The following SETD6 variants were observed in gnomAD, a reference collection of about 807,000 sequenced individuals.
The protein encoded by SETD6 is SET domain containing 6, protein lysine methyltransferase, also known as N-lysine methyltransferase SETD6.
Under a neutral mutation model 52.7 loss-of-function variants are expected in SETD6, and 67 were observed. The ratio of observed to expected loss-of-function variants is 1.27; its 90% CI spans 1.04 to 1.56. The LOEUF is 1.56. Ranked by LOEUF, SETD6 falls within the 40% of genes most tolerant of loss-of-function variation. The probability of loss-of-function intolerance (pLI) is 0.00; values close to 1 mark genes in which losing one functional copy is unlikely to be tolerated. For missense variants in SETD6, 712 were observed against 607.5 expected, an observed-to-expected ratio of 1.17 and a Z score of -1.81; for synonymous variants, 307 against 250.2, an observed-to-expected ratio of 1.23 and a Z score of -2.14.
At position 58,520,927 on chromosome 16, in the gene SETD6, A is replaced by G. The variant is rs1389288333; in HGVS notation, c.*1898A>G. 1 of 1,605,040 alleles carries G rather than the reference A, an allele frequency of 6.2e-7. No individual in the cohort carries two copies. Among genetic ancestry groups the G allele is most frequent in the Non-Finnish European group, 8.5e-7 (1 of 1,175,612 alleles). On this transcript the variant is annotated 3_prime_UTR_variant, in exon 8 of 8. Coordinates refer to ENST00000219315, the MANE Select transcript of SETD6 (RefSeq NM_001160305.4). ...GAACTCGGTGCAGTGAGACCTCTAGACTGACACGTACAACAGAGATGCAGT... is the reference window on the plus strand; with the variant it reads ...GAACTCGGTGCAGTGAGACCTCTAGGCTGACACGTACAACAGAGATGCAGT...
In SETD6 at chr16:58,516,085, C is replaced by G. The variant is rs1366976276; in HGVS notation, c.322C>G (p.Leu108Val). Residue 108 changes from leucine (L) to valine (V), a missense_variant, in exon 2 of 8, where the codon CTG becomes GTG. Leu to Val is a conservative substitution (Grantham distance 32, BLOSUM62 1). Coordinates refer to ENST00000219315, the MANE Select transcript of SETD6 (RefSeq NM_001160305.4). Reference sequence around the variant, plus strand: ...GCAGCACACCTGCTCCATCGGCGGCCTGCTGGAGCGAGGTGGGCACGGCGG... The same window carrying G: ...GCAGCACACCTGCTCCATCGGCGGCGTGCTGGAGCGAGGTGGGCACGGCGG... ...LSQHTCSIGG[L>V]LERERVALQS... 3.8e-6 allele frequency: 5 copies of G among 1,310,564 alleles called. No homozygotes were observed. Among genetic ancestry groups the G allele is most frequent in the Non-Finnish European group, 4.8e-6 (5 of 1,034,568 alleles). The allele number at this position is 1,310,564 out of a possible 1,614,324, so 81.2% of individuals were successfully genotyped here. A position where few individuals can be genotyped will look rare whatever the true frequency, so the allele number is the denominator to read the frequency against.
At position 58,515,803 on chromosome 16, in the gene SETD6, G is replaced by T; in HGVS notation, c.40G>T (p.Val14Leu). ...QAKRPRVAGP[V>L]DGGDLDPVAC... ...GCACTTATCTCAGGTGGCGGGGCCC[G>T]TGGACGGCGGCGACCTGGATCCTGT... Residue 14 changes from valine (V) to leucine (L), a missense_variant, in exon 2 of 8, where the codon GTG becomes TTG. Physicochemically the swap from Val to Leu is conservative, Grantham distance 32. Coordinates refer to ENST00000219315, the MANE Select transcript of SETD6 (RefSeq NM_001160305.4). 1 of 1,516,764 alleles carries T rather than the reference G, an allele frequency of 6.6e-7. No individual in the cohort carries two copies. The highest frequency in any genetic ancestry group is 2.6e-5 in the East Asian group (1 of 38,566). The allele number at this position is 1,516,764 out of a possible 1,614,324, so 94.0% of individuals were successfully genotyped here. A position where few individuals can be genotyped will look rare whatever the true frequency, so the allele number is the denominator to read the frequency against.
At chr16:58,517,293 C>T (rs923515221) in intron 5 of SETD6, 2 of 338,266 alleles carry the variant, frequency 5.9e-6, no homozygotes, top group South Asian at 5.2e-5. Context: ...GGGATGAGGA[C>T]ATTCACAGGC....
rs1483179226 is a variant in SETD6 at position 58,520,298 on chromosome 16, A to AC, written c.*1274dup. On this transcript the variant is annotated 3_prime_UTR_variant, in exon 8 of 8. Transcript: ENST00000219315. ...TGGTTTCCCTTTATATAAAGAGCTG[A>AC]CCCCCATCTCAGGCGGCTGAGGTGT... 10 of 152,102 alleles carry AC rather than the reference A, an allele frequency of 6.6e-5. No individual in the cohort carries two copies. The highest frequency in any genetic ancestry group is 1.5e-4 in the African/African-American group (6 of 41,352). 9.4% of individuals were successfully genotyped at this position (152,102 alleles called of 1,614,324 possible).
Position 58,523,457 on chromosome 16 carries a change from G to A in SETD6, c.*4428G>A. 1 of 1,613,976 alleles carries A rather than the reference G, an allele frequency of 6.2e-7. No individual in the cohort carries two copies. Among genetic ancestry groups the A allele is most frequent in the African/African-American group, 1.3e-5 (1 of 75,038 alleles). On this transcript the variant is annotated 3_prime_UTR_variant, in exon 8 of 8. Transcript: ENST00000219315. ...ACTGAAGTAGTGAGTGTGGCTATTT[G>A]GGTACCGGAGCTGATTTGCAATTGC...
At position 58,516,191 on chromosome 16, in the gene SETD6, G is replaced by A. The variant is rs758663790; in HGVS notation, c.335-11G>A. On this transcript the variant is annotated splice_polypyrimidine_tract_variant and intron_variant, in intron 2 of 7. Coordinates refer to ENST00000219315, the MANE Select transcript of SETD6 (RefSeq NM_001160305.4). ...GCCGCGCCGGGGCGCTCACACCTGT[G>A]TCTTCCTCAGAGCGAGTTGCGCTGC... 1.3e-6 allele frequency: 2 copies of A among 1,573,680 alleles called. No individual in the cohort carries two copies. The highest frequency in any genetic ancestry group is 2.3e-5 in the East Asian group (1 of 44,286).
In SETD6 at chr16:58,516,206, A is replaced by T. The variant is rs749275639; in HGVS notation, c.339A>T (p.Arg113=). ...TCACACCTGTGTCTTCCTCAGAGCG[A>T]GTTGCGCTGCAGAGCCAGTCGGGCT... ...CSIGGLLERE[R]VALQSQSGWV... is the part of the protein sequence containing the mutation. Residue 113 remains arginine, a synonymous_variant, in exon 3 of 8, where the codon CGA becomes CGT. Transcript: ENST00000219315. 1 of 1,587,842 alleles carries T rather than the reference A, an allele frequency of 6.3e-7. No homozygotes were observed. Among genetic ancestry groups the T allele is most frequent in the Admixed American group, 1.7e-5 (1 of 57,390 alleles).
rs1418751496 is a variant in SETD6 at position 58,521,735 on chromosome 16, T to G, written c.*2706T>G. 6.6e-6 allele frequency among the ~76,000 whole-genome samples: 1 copy of G among 151,750 alleles called. No homozygotes were observed. Among genetic ancestry groups the G allele is most frequent in the East Asian group, 1.9e-4 (1 of 5,134 alleles). On this transcript the variant is annotated 3_prime_UTR_variant, in exon 8 of 8. Transcript: ENST00000219315. ...GGGAGGCCGAGGCAGGTGGATCACCTGAGGTCAGGAGTTCGAGACCAGCCT... is the reference window on the plus strand; with the variant it reads ...GGGAGGCCGAGGCAGGTGGATCACCGGAGGTCAGGAGTTCGAGACCAGCCT...
rs755548741 is a variant in SETD6 at position 58,518,250 on chromosome 16, C to T, written c.973+19C>T. The stretch of plus-strand genomic sequence containing the variant: ...TTACAGGGTGAGTGTATCATTAACT[C>T]AATATTTGACACTGATGGTGTGTCT... On this transcript the variant is annotated intron_variant, in intron 6 of 7. Coordinates refer to ENST00000219315, the MANE Select transcript of SETD6 (RefSeq NM_001160305.4). 6.2e-7 allele frequency: 1 copy of T among 1,613,808 alleles called. No individual in the cohort carries two copies. Among genetic ancestry groups the T allele is most frequent in the Non-Finnish European group, 8.5e-7 (1 of 1,179,804 alleles).
Position 58,521,421 on chromosome 16 carries a change from T to G in SETD6, c.*2392T>G. 1.7e-6 allele frequency: 2 copies of G among 1,188,564 alleles called. No individual in the cohort carries two copies. The highest frequency in any genetic ancestry group is 3.0e-5 in the South Asian group (2 of 66,044). The allele number at this position is 1,188,564 out of a possible 1,614,324, so 73.6% of individuals were successfully genotyped here. A position where few individuals can be genotyped will look rare whatever the true frequency, so the allele number is the denominator to read the frequency against. ...ACTTCTCCCTGACTATTGAACCACA[T>G]GCAAAAGTTTTCACCTTTAGTAAAG... is the stretch of plus-strand genomic sequence containing the variant. On this transcript the variant is annotated 3_prime_UTR_variant, in exon 8 of 8. Transcript: ENST00000219315.
rs1402753819 is a variant in SETD6 at position 58,519,694 on chromosome 16, AT to A, written c.*669del. ...GGGGAAAAGGATATTAAAACTGGGT[AT>A]TTTAAACTCAGCTTAACCAGATAAA... On this transcript the variant is annotated 3_prime_UTR_variant, in exon 8 of 8. Coordinates refer to ENST00000219315, the MANE Select transcript of SETD6 (RefSeq NM_001160305.4). 1.3e-5 allele frequency: 2 copies of A among 152,138 alleles called. No homozygotes were observed. Among genetic ancestry groups the A allele is most frequent in the East Asian group, 3.8e-4 (2 of 5,202 alleles). 9.4% of individuals were successfully genotyped at this position (152,138 alleles called of 1,614,324 possible). A position where few individuals can be genotyped will look rare whatever the true frequency, so the allele number is the denominator to read the frequency against.
At chr16:58,516,757 C>A in intron 4 of SETD6, 51 bp from the exon 5 acceptor site, 1 of 1,611,898 alleles carries the variant, frequency 6.2e-7, no homozygotes, top group African/African-American at 1.3e-5. Flanking sequence ...TGAAATCCAC[C>A]CCCAGTCCCT....
chr16:58,515,930 C>T lies in SETD6; in HGVS notation c.167C>T (p.Ala56Val). The change falls in exon 2 of 8, where the codon GCC becomes GTC. Residue 56 changes from alanine (A) to valine (V), a missense_variant. By Grantham distance (64) the Ala-to-Val change is moderately conservative. Transcript: ENST00000219315. ...AGGACCCGCGGCGGGGCGCGGGCTG[C>T]CCTGACCAGCCCTCCTGCTCAGGTG... is the stretch of plus-strand genomic sequence containing the variant. ...GRRTRGGARAALTSPPAQVAV... is the reference protein window; with the variant it reads ...GRRTRGGARAVLTSPPAQVAV... The T allele has an allele frequency of 6.6e-7, 1 of 1,515,900 alleles. No individual in the cohort carries two copies. The highest frequency in any genetic ancestry group is 8.8e-7 in the Non-Finnish European group (1 of 1,140,080). 93.9% of individuals were successfully genotyped at this position (1,515,900 alleles called of 1,614,324 possible).
chr16:58,521,551 G>A lies in SETD6; in HGVS notation c.*2522G>A, dbSNP rs142453612. On this transcript the variant is annotated 3_prime_UTR_variant, in exon 8 of 8. Transcript: ENST00000219315. ...GTATTTATATAAAGTGCAGATAATGGTATCTACCTCACAGCTGTTCAGAAT... is the reference window on the plus strand; with the variant it reads ...GTATTTATATAAAGTGCAGATAATGATATCTACCTCACAGCTGTTCAGAAT... Among the ~76,000 whole-genome samples the A allele has an allele frequency of 3.9e-5, 6 of 152,174 alleles. No individual in the cohort carries two copies. Among genetic ancestry groups the A allele is most frequent in the Non-Finnish European group, 8.8e-5 (6 of 68,026 alleles).
chr16:58,515,753 T>TGG, intron 1 of SETD6, 38 bp from the exon 2 acceptor site: 1 of 1,431,310 alleles, frequency 7.0e-7, no homozygotes, highest in East Asian at 2.8e-5. Flanking sequence ...GCGGCCTCTC[T>TGG]GGGGGTCGGA....
chr16:58,519,475 T>C lies in SETD6; in HGVS notation c.*446T>C, dbSNP rs542841527. The C allele has an allele frequency of 6.0e-6, 1 of 166,958 alleles. No homozygotes were observed. The highest frequency in any genetic ancestry group is 5.5e-5 in the Admixed American group (1 of 18,236). 10.3% of individuals were successfully genotyped at this position (166,958 alleles called of 1,614,324 possible). ...ATAGTTACCCAAAGTTCAGTCTAGA[T>C]GGCACAAACCACCTCTCAGGGAATA... is the stretch of plus-strand genomic sequence containing the variant. On this transcript the variant is annotated 3_prime_UTR_variant, in exon 8 of 8. Transcript: ENST00000219315.
At chr16:58,515,673 C>G in intron 1 of SETD6, 109 bp downstream of exon 1, 1 of 1,407,318 alleles carries the variant, frequency 7.1e-7, no homozygotes, top group Non-Finnish European at 9.2e-7. Flanking sequence ...GTCCCGCGCC[C>G]CTCTCCGCTC....
In SETD6 at chr16:58,522,542, GC is replaced by G. The variant is rs1397145527; in HGVS notation, c.*3516del. On this transcript the variant is annotated 3_prime_UTR_variant, in exon 8 of 8. Coordinates refer to ENST00000219315, the MANE Select transcript of SETD6 (RefSeq NM_001160305.4). ...CAAATGAGCAAGTTTTAAGAGTCTG[GC>G]CCAATTTTTAAAGTGTGTGTGTGTG... Among the ~76,000 whole-genome samples, 1 of 148,798 alleles carries G rather than the reference GC, an allele frequency of 6.7e-6. No individual in the cohort carries two copies. The highest frequency in any genetic ancestry group is 1.5e-5 in the Non-Finnish European group (1 of 67,468).
rs563366050 is a variant in SETD6, at chr16:58,516,420, C to G, written c.477-58C>G. 240 of 1,613,052 alleles carry G rather than the reference C, an allele frequency of 1.5e-4. No homozygotes were observed. The Middle Eastern group carries it at 5.9e-3, about 40-fold the overall frequency. On this transcript the variant is annotated intron_variant, in intron 3 of 7. Transcript: ENST00000219315. The stretch of plus-strand genomic sequence containing the variant: ...GAAGTTTCCCCGCCCCTGCACCAGT[C>G]CTACCCAGTAAAGTGTGTGAAGGAA...
Sources: gnomAD v4.1 joint callset for allele counts (sites outside exome capture counted in the v4.1 genomes callset) on GRCh38, gnomAD v4.1.1 for gene constraint, MANE v1.5 for transcripts, NCBI Gene and HGNC (gene_info 2026-07-23, HGNC 2026-07-21) for gene names.